NPR3: variants seen among roughly 807,000 people sequenced by gnomAD.
The protein encoded by NPR3 is natriuretic peptide receptor 3.
In NPR3, 34 loss-of-function variants were observed where a neutral mutation model predicts 54.5. That is an observed-to-expected ratio of 0.62 (90% CI 0.47 to 0.83). The LOEUF (loss-of-function observed/expected upper bound fraction) is 0.83, where lower values mean the gene tolerates loss of function less well. NPR3 is among the 40% of genes least tolerant of loss of function. The probability of loss-of-function intolerance (pLI) is 0.00; values close to 1 mark genes in which losing one functional copy is unlikely to be tolerated. For missense variants in NPR3, 674 were observed against 720.8 expected (o/e 0.94, Z 0.74); for synonymous variants, 289 against 297.1 (o/e 0.97, Z 0.28).
intron 3 of NPR3, among the ~76,000 whole-genome samples, chr5:32,762,055 T>C (rs768733431): frequency 7.9e-5 from 12 of 152,192 alleles, no homozygotes; most frequent in Non-Finnish European, 1.5e-4. Flanking sequence ...TGGTTTTCTG[T>C]TCCTGTGTTA....
chr5:32,781,763 G>A (rs1201712930), intron 5 of NPR3, among the ~76,000 whole-genome samples: 2 of 152,158 alleles, frequency 1.3e-5, no homozygotes, highest in East Asian at 1.9e-4. Flanking sequence ...GGAAAGGTGG[G>A]TAGCGACAGT....
chr5:32,710,851 C>A, upstream of NPR3: 4 of 1,183,960 alleles, frequency 3.4e-6, no homozygotes, highest in Non-Finnish European at 4.4e-6. Flanking sequence ...CCCTTTCCCC[C>A]AGTCCTGGTT....
At chr5:32,697,760 T>A (rs1054815816) in intron 1 of NPR3, among the ~76,000 whole-genome samples, 6 of 152,186 alleles carry the variant, frequency 3.9e-5, no homozygotes, top group African/African-American at 1.4e-4. Context: ...TCTTCTAGAT[T>A]TTCCAATTTA....
Position 32,704,230 on chromosome 5 carries a change from A to G in NPR3, c.100+15044A>G, listed in dbSNP as rs546554929. On this transcript the variant is annotated intron_variant, in intron 1 of 5. Coordinates refer to the NPR3 transcript ENST00000509104. ...CACACCACATGGCTGCTGCTGGGGG[A>G]TGGGGGAAGGTTGGCATTGGCAATT... Among the ~76,000 whole-genome samples, 736 of 152,140 alleles carry G rather than the reference A, an allele frequency of 4.8e-3. 5 individuals carry two copies. Among genetic ancestry groups the G allele is most frequent in the Non-Finnish European group, 6.1e-3 (418 of 67,998 alleles).
intron 4 of NPR3, 28 bp from the exon 5 acceptor site, chr5:32,780,694 G>A (rs766329609): frequency 7.8e-6 from 8 of 1,019,816 alleles, no homozygotes; most frequent in East Asian, 4.7e-5. Flanking sequence ...AGTAACCAAC[G>A]TTGAGTTCTT....
At chr5:32,722,550 T>C (rs1489010073) in intron 1 of NPR3, among the ~76,000 whole-genome samples, 1 of 152,228 alleles carries the variant, frequency 6.6e-6, no homozygotes, top group Non-Finnish European at 1.5e-5. Flanking sequence ...AATCAGGTTC[T>C]GCATCTTGGG....
At chr5:32,765,260 G>T (rs1370378848) in intron 3 of NPR3, among the ~76,000 whole-genome samples, 1 of 152,142 alleles carries the variant, frequency 6.6e-6, no homozygotes, top group African/African-American at 2.4e-5. Flanking sequence ...CAAGAGCAAA[G>T]AAGTATGTGA....
intron 3 of NPR3, among the ~76,000 whole-genome samples, chr5:32,760,694 G>C (rs961025075): frequency 1.7e-4 from 25 of 149,324 alleles, no homozygotes; most frequent in Non-Finnish European, 3.7e-4. Context: ...TTTAGATGTA[G>C]TCAGTTTTTT....
At chr5:32,744,221 G>A (rs1740184452) in intron 3 of NPR3, among the ~76,000 whole-genome samples, 1 of 152,068 alleles carries the variant, frequency 6.6e-6, no homozygotes, top group East Asian at 1.9e-4. Flanking sequence ...TCGATCTCTT[G>A]ACCTTGTCAT....
chr5:32,719,785 G>T (rs1159486513), intron 1 of NPR3, among the ~76,000 whole-genome samples: 11 of 91,142 alleles, frequency 1.2e-4, no homozygotes, highest in South Asian at 8.7e-4. Context: ...CTATGTTGTT[G>T]TTGTTTTTTT....
At position 32,711,501 on chromosome 5, in the gene NPR3, G is replaced by GTA. The variant is rs886067874; in HGVS notation, c.-266_-265dup. On this transcript the variant is annotated 5_prime_UTR_variant, in exon 1 of 8. It adds an upstream start codon to the 5' untranslated region. Transcript: ENST00000265074. ...ATAAACGGAGGGCGAATATATACAA[G>GTA]TATATATATATGTATATTACAGACG... is the stretch of plus-strand genomic sequence containing the variant. The GTA allele has an allele frequency of 1.8e-4, 205 of 1,141,360 alleles. No homozygotes were observed. Among genetic ancestry groups the GTA allele is most frequent in the Middle Eastern group, 3.5e-4 (1 of 2,880 alleles). 70.7% of individuals were successfully genotyped at this position (1,141,360 alleles called of 1,614,324 possible).
At chr5:32,782,802 T>A (rs922772003) in intron 5 of NPR3, 91 bp from the exon 6 acceptor site, 7 of 1,261,410 alleles carry the variant, frequency 5.5e-6, no homozygotes, top group Non-Finnish European at 7.7e-6. Context: ...TAGATCAGGC[T>A]GTACATTTTG....
At chr5:32,713,280 C>T in intron 1 of NPR3, 3 of 985,444 alleles carry the variant, frequency 3.0e-6, no homozygotes, top group Non-Finnish European at 3.6e-6. Context: ...GAGCGCTGAA[C>T]CTTCTTTCCA....
At chr5:32,710,586 G>T, upstream of NPR3, 1 of 1,389,568 alleles carries the variant, frequency 7.2e-7, no homozygotes, top group East Asian at 2.9e-5. Context: ...CGTGGCCCAG[G>T]GGGAGGGGGC....
chr5:32,711,466 T>C lies in NPR3; in HGVS notation c.-311T>C, dbSNP rs1339473387. 4 of 1,105,110 alleles carry C rather than the reference T, an allele frequency of 3.6e-6. No individual in the cohort carries two copies. Among genetic ancestry groups the C allele is most frequent in the Admixed American group, 5.1e-5 (1 of 19,780 alleles). The allele number at this position is 1,105,110 out of a possible 1,614,324, so 68.5% of individuals were successfully genotyped here. A position where few individuals can be genotyped will look rare whatever the true frequency, so the allele number is the denominator to read the frequency against. ...AATAAGAAGCCACCTCTAAGCAAAATAGTATATGTATAAACGGAGGGCGAA... is the reference window on the plus strand; with the variant it reads ...AATAAGAAGCCACCTCTAAGCAAAACAGTATATGTATAAACGGAGGGCGAA... On this transcript the variant is annotated 5_prime_UTR_variant, in exon 1 of 8. Transcript: ENST00000265074.
At chr5:32,748,471 G>A (rs1392545532) in intron 3 of NPR3, among the ~76,000 whole-genome samples, 1 of 152,218 alleles carries the variant, frequency 6.6e-6, no homozygotes, top group Non-Finnish European at 1.5e-5. Flanking sequence ...CCAAGGAAGA[G>A]GTAGTTTTCC....
At position 32,781,695 on chromosome 5, in the gene NPR3, A is replaced by C. The variant is rs988559793; in HGVS notation, c.1290+879A>C. On this transcript the variant is annotated intron_variant, in intron 5 of 7. Coordinates refer to ENST00000265074, the MANE Select transcript of NPR3 (RefSeq NM_001204375.2). Reference sequence around the variant, plus strand: ...GGAGTCACCCTCGCTATGTTTAATGAATGATTGTTTTGCCCACTGAGTGGT... The same window carrying C: ...GGAGTCACCCTCGCTATGTTTAATGCATGATTGTTTTGCCCACTGAGTGGT... 5.3e-5 allele frequency among the ~76,000 whole-genome samples: 8 copies of C among 152,186 alleles called. 1 individual carries two copies. The highest frequency in any genetic ancestry group is 1.9e-4 in the African/African-American group (8 of 41,440).
At chr5:32,721,464 A>C (rs1332870967) in intron 1 of NPR3, among the ~76,000 whole-genome samples, 2 of 152,130 alleles carry the variant, frequency 1.3e-5, no homozygotes, top group Non-Finnish European at 2.9e-5. Context: ...CCAACATGAC[A>C]AAACTCTATC....
intron 2 of NPR3, among the ~76,000 whole-genome samples, chr5:32,728,842 T>C (rs1207784804): frequency 9.5e-6 from 1 of 105,592 alleles, no homozygotes; most frequent in Non-Finnish European, 1.8e-5. Flanking sequence ...TGTGTGTATA[T>C]ATATATATAT....
Sources: gnomAD v4.1 joint callset for allele counts (sites outside exome capture counted in the v4.1 genomes callset) on GRCh38, gnomAD v4.1.1 for gene constraint, MANE v1.5 for transcripts, NCBI Gene and HGNC (gene_info 2026-07-23, HGNC 2026-07-21) for gene names.